The following KCNIP4 variants were observed in gnomAD, a reference collection of about 807,000 sequenced individuals.
KCNIP4 encodes the protein potassium voltage-gated channel interacting protein 4, also known as Kv channel-interacting protein 4.
In KCNIP4, 12 loss-of-function variants were observed where a neutral mutation model predicts 34.0. The ratio of observed to expected loss-of-function variants is 0.35; its 90% CI spans 0.23 to 0.57. The LOEUF (loss-of-function observed/expected upper bound fraction) is 0.57, where lower values mean the gene tolerates loss of function less well. Ranked by LOEUF, KCNIP4 falls within the 20% of genes least tolerant of loss-of-function variation. KCNIP4 has a pLI of 0.83. For synonymous variants in KCNIP4, 124 were observed against 102.2 expected (o/e 1.21, Z -1.29); for missense variants, 238 against 311.7 (o/e 0.76, Z 1.78).
intron 1 of KCNIP4, among the ~76,000 whole-genome samples, chr4:20,984,615 G>A (rs1054378911): frequency 6.6e-6 from 1 of 152,156 alleles, no homozygotes; most frequent in Non-Finnish European, 1.5e-5. Flanking sequence ...GAACACCTGA[G>A]CCTCCCCCGC....
intron 1 of KCNIP4, among the ~76,000 whole-genome samples, chr4:21,487,666 A>C (rs1732031760): frequency 6.6e-6 from 1 of 152,232 alleles, no homozygotes; most frequent in African/African-American, 2.4e-5. Flanking sequence ...ATTCTTCTGC[A>C]TAGAGACTTA....
At chr4:20,730,205 T>TA in intron 8 of KCNIP4, 76 bp from the exon 9 acceptor site, 9 of 1,490,060 alleles carry the variant, frequency 6.0e-6, no homozygotes, top group Non-Finnish European at 3.6e-6. Context: ...CCCTGAGTAT[T>TA]GCCTCCTCCC....
At chr4:20,731,945 T>TAATA in intron 8 of KCNIP4, 61 bp downstream of exon 8, 2 of 1,603,350 alleles carry the variant, frequency 1.2e-6, no homozygotes, top group East Asian at 2.2e-5. Context: ...AGCTAGCTGC[T>TAATA]AATACTCAGT....
At chr4:21,352,749 G>C (rs562162081) in intron 1 of KCNIP4, among the ~76,000 whole-genome samples, 3 of 152,204 alleles carry the variant, frequency 2.0e-5, no homozygotes, top group African/African-American at 7.2e-5. Flanking sequence ...AAACATCCCC[G>C]TCTGACAGCT....
At position 21,827,996 on chromosome 4, in the gene KCNIP4, G is replaced by C. The variant is rs1056262695; in HGVS notation, c.61+120575C>G. 9.0e-5 allele frequency among the ~76,000 whole-genome samples: 13 copies of C among 144,578 alleles called. No homozygotes were observed. The South Asian group carries it at 1.6e-3, about 17-fold the overall frequency. The allele number at this position is 144,578 out of a possible 152,430, so 94.8% of individuals were successfully genotyped here. A position where few individuals can be genotyped will look rare whatever the true frequency, so the allele number is the denominator to read the frequency against. On this transcript the variant is annotated intron_variant, in intron 1 of 8. Transcript: ENST00000382152. ...CTCTAACTTATAAACAGGAAAAAAG[G>C]CACCATTAATGAGAGTCATGTAAAA...
chr4:21,452,870 G>T (rs1240407735), intron 1 of KCNIP4, among the ~76,000 whole-genome samples: 1 of 12,500 alleles, frequency 8.0e-5, no homozygotes, highest in East Asian at 7.6e-4. Context: ...CAGGGTAAAG[G>T]CTGTATGCCT....
At chr4:21,870,087 C>A (rs1333801368) in intron 1 of KCNIP4, among the ~76,000 whole-genome samples, 1 of 152,206 alleles carries the variant, frequency 6.6e-6, no homozygotes, top group African/African-American at 2.4e-5. Flanking sequence ...TAGCTGTTCC[C>A]TTTGTAAGAA....
At chr4:21,530,581 G>A (rs1235082710) in intron 1 of KCNIP4, among the ~76,000 whole-genome samples, 1 of 152,094 alleles carries the variant, frequency 6.6e-6, no homozygotes. Context: ...AATGCACAAG[G>A]AAGGCAACGC....
chr4:21,253,298 A>G (rs1294015750), intron 1 of KCNIP4, among the ~76,000 whole-genome samples: 1 of 152,184 alleles, frequency 6.6e-6, no homozygotes, highest in East Asian at 1.9e-4. Flanking sequence ...TATTTAGCCA[A>G]CAGGTATAAA....
intron 1 of KCNIP4, among the ~76,000 whole-genome samples, chr4:21,571,490 A>G (rs1327876210): frequency 1.3e-5 from 2 of 152,186 alleles, no homozygotes; most frequent in South Asian, 4.1e-4. Context: ...TCTTACACAC[A>G]AAAATGCAAT....
chr4:21,382,332 CA>C (rs1237179561), intron 1 of KCNIP4, among the ~76,000 whole-genome samples: 1 of 152,092 alleles, frequency 6.6e-6, no homozygotes, highest in African/African-American at 2.4e-5. Flanking sequence ...GGGCTTTAAG[CA>C]GGACAGTGAT....
At chr4:21,111,735 T>C (rs550891510) in intron 1 of KCNIP4, among the ~76,000 whole-genome samples, 23 of 152,014 alleles carry the variant, frequency 1.5e-4, no homozygotes, top group Non-Finnish European at 2.6e-4. Context: ...TGGCTCAGAG[T>C]GCTGCCGACC....
rs187927468 is a variant in KCNIP4 at position 20,736,540 on chromosome 4, G to T, written c.430-1805C>A. Among the ~76,000 whole-genome samples the T allele has an allele frequency of 2.3e-3, 356 of 152,016 alleles. 2 individuals carry two copies. Among genetic ancestry groups the T allele is most frequent in the African/African-American group, 7.5e-3 (313 of 41,494 alleles). On this transcript the variant is annotated intron_variant, in intron 5 of 8. Transcript: ENST00000382152. Reference sequence around the variant, plus strand: ...CATGTGTGCAATATTAGCTGCAAATGGAATTAATTTTACCTTTTTTTCTAA... The same window carrying T: ...CATGTGTGCAATATTAGCTGCAAATTGAATTAATTTTACCTTTTTTTCTAA...
At chr4:21,202,671 T>C (rs1756573642) in intron 1 of KCNIP4, among the ~76,000 whole-genome samples, 1 of 152,222 alleles carries the variant, frequency 6.6e-6, no homozygotes, top group Non-Finnish European at 1.5e-5. Flanking sequence ...GGTCTGGTGC[T>C]CAGATCCGTC....
intron 1 of KCNIP4, among the ~76,000 whole-genome samples, chr4:21,257,034 C>G (rs950162359): frequency 6.6e-6 from 1 of 152,104 alleles, no homozygotes; most frequent in Non-Finnish European, 1.5e-5. Context: ...TAGAACAGTG[C>G]CTGACACACA....
chr4:21,512,200 C>CGAAG (rs1411979812), intron 1 of KCNIP4, among the ~76,000 whole-genome samples: 4 of 36,046 alleles, frequency 1.1e-4, no homozygotes, highest in Non-Finnish European at 1.9e-4. Context: ...AAGGAACGAA[C>CGAAG]GAAGGAAGGA....
chr4:21,859,083 T>C (rs1724915894), intron 1 of KCNIP4, among the ~76,000 whole-genome samples: 1 of 152,162 alleles, frequency 6.6e-6, no homozygotes, highest in Admixed American at 6.6e-5. Context: ...GGGAATTTTA[T>C]CAGACATAGG....
At chr4:21,558,839 A>C (rs1215236104) in intron 1 of KCNIP4, among the ~76,000 whole-genome samples, 2 of 152,212 alleles carry the variant, frequency 1.3e-5, no homozygotes, top group Non-Finnish European at 2.9e-5. Flanking sequence ...TTGATCAAAA[A>C]GAGGCAAGTA....
At chr4:21,853,869 A>T (rs896705095) in intron 1 of KCNIP4, among the ~76,000 whole-genome samples, 1 of 152,184 alleles carries the variant, frequency 6.6e-6, no homozygotes, top group Admixed American at 6.5e-5. Flanking sequence ...TCATCTGTCA[A>T]ATAAAGAGTT....
Sources: gnomAD v4.1 joint callset for allele counts (sites outside exome capture counted in the v4.1 genomes callset) on GRCh38, gnomAD v4.1.1 for gene constraint, MANE v1.5 for transcripts, NCBI Gene and HGNC (gene_info 2026-07-23, HGNC 2026-07-21) for gene names.